NPR3: variants seen among roughly 807,000 people sequenced by gnomAD.
NPR3 encodes the protein atrial natriuretic peptide receptor 3.
In NPR3, 34 loss-of-function variants were observed where a neutral mutation model predicts 54.5. That is an observed-to-expected ratio of 0.62 (90% CI 0.47 to 0.83). The LOEUF is 0.83. Ranked by LOEUF, NPR3 falls within the 40% of genes least tolerant of loss-of-function variation. The probability of loss-of-function intolerance (pLI) is 0.00; values close to 1 mark genes in which losing one functional copy is unlikely to be tolerated. For synonymous variants in NPR3, 289 were observed against 297.1 expected, an observed-to-expected ratio of 0.97 and a Z score of 0.28; for missense variants, 674 against 720.8, an observed-to-expected ratio of 0.94 and a Z score of 0.74.
upstream of NPR3, among the ~76,000 whole-genome samples, chr5:32,706,196 G>A (rs902488609): frequency 3.9e-5 from 6 of 152,146 alleles, no homozygotes; most frequent in African/African-American, 4.8e-5. Flanking sequence ...CTCCCCCTTC[G>A]CCTTCTGCCA....
At chr5:32,754,308 T>A (rs1352749592) in intron 3 of NPR3, among the ~76,000 whole-genome samples, 1 of 152,134 alleles carries the variant, frequency 6.6e-6, no homozygotes, top group South Asian at 2.1e-4. Context: ...TAAACCACAC[T>A]GAGTTGCTCT....
intron 4 of NPR3, among the ~76,000 whole-genome samples, chr5:32,779,040 A>G (rs545144347): frequency 1.3e-5 from 2 of 152,356 alleles, no homozygotes; most frequent in South Asian, 4.1e-4. Context: ...ATCAAAGTGA[A>G]TGGTAGCTTC....
At chr5:32,711,227 G>T (rs986308061), upstream of NPR3, 1 of 15,318 alleles carries the variant, frequency 6.5e-5, no homozygotes, top group Admixed American at 7.3e-4. Context: ...CACCCCACCC[G>T]CTGGAAACAC....
At chr5:32,727,957 C>G (rs1739221677) in intron 2 of NPR3, among the ~76,000 whole-genome samples, 1 of 152,114 alleles carries the variant, frequency 6.6e-6, no homozygotes, top group African/African-American at 2.4e-5. Flanking sequence ...CCTAGTTTAT[C>G]AAGTCTGATT....
intron 2 of NPR3, among the ~76,000 whole-genome samples, chr5:32,737,733 TA>T (rs1258124160): frequency 2.0e-5 from 3 of 152,052 alleles, no homozygotes; most frequent in Non-Finnish European, 4.4e-5. Context: ...AAGAGAAAAA[TA>T]ATTATTCTTA....
At chr5:32,697,158 C>T (rs1326817358) in intron 1 of NPR3, among the ~76,000 whole-genome samples, 2 of 152,108 alleles carry the variant, frequency 1.3e-5, no homozygotes, top group Non-Finnish European at 2.9e-5. Flanking sequence ...TCCTTCTATA[C>T]TCAGATTTTT....
Position 32,777,226 on chromosome 5 carries a change from A to G in NPR3, c.1195+2383A>G, listed in dbSNP as rs983018949. 2.8e-4 allele frequency among the ~76,000 whole-genome samples: 42 copies of G among 152,288 alleles called. 1 individual carries two copies. Among genetic ancestry groups the G allele is most frequent in the African/African-American group, 9.4e-4 (39 of 41,560 alleles). On this transcript the variant is annotated intron_variant, in intron 4 of 7. Coordinates refer to ENST00000265074, the MANE Select transcript of NPR3 (RefSeq NM_001204375.2). ...GACATGATCTGCCTTGCCTGTTTAA[A>G]AGGGGTCCTTATGGCTGCTATGTGG... is the stretch of plus-strand genomic sequence containing the variant.
At chr5:32,761,649 A>G in intron 3 of NPR3, among the ~76,000 whole-genome samples, 1 of 151,410 alleles carries the variant, frequency 6.6e-6, no homozygotes, top group Middle Eastern at 3.4e-3. Context: ...TTTCAGTTCT[A>G]TAATTTCTAT....
chr5:32,748,598 C>A, intron 3 of NPR3, among the ~76,000 whole-genome samples: 1 of 152,172 alleles, frequency 6.6e-6, no homozygotes, highest in East Asian at 1.9e-4. Context: ...TTTCTTCTTT[C>A]TGGTGCTAGT....
rs184514444 is a variant in NPR3 at position 32,737,964 on chromosome 5, C to A, written c.893-900C>A. Among the ~76,000 whole-genome samples, 812 of 151,926 alleles carry A rather than the reference C, an allele frequency of 5.3e-3. 5 individuals are homozygous for A. The highest frequency in any genetic ancestry group is 6.4e-3 in the Non-Finnish European group (432 of 67,968). The stretch of plus-strand genomic sequence containing the variant: ...AATATATGTGCTTAATAAATGTTAG[C>A]AATTTTTATCTCATTACCACTAATG... On this transcript the variant is annotated intron_variant, in intron 2 of 7. Coordinates refer to ENST00000265074, the MANE Select transcript of NPR3 (RefSeq NM_001204375.2).
chr5:32,739,243 A>G (rs768165290), intron 3 of NPR3, among the ~76,000 whole-genome samples: 2 of 148,748 alleles, frequency 1.3e-5, no homozygotes, highest in Non-Finnish European at 3.0e-5. Flanking sequence ...ACCCACTATC[A>G]TCTCTACCCT....
At chr5:32,729,957 TCTC>T (rs1356801585) in intron 2 of NPR3, among the ~76,000 whole-genome samples, 1 of 152,152 alleles carries the variant, frequency 6.6e-6, no homozygotes, top group Non-Finnish European at 1.5e-5. Flanking sequence ...ATTTACCACT[TCTC>T]CTCCTAATGT....
At chr5:32,719,387 A>T (rs1051754252) in intron 1 of NPR3, among the ~76,000 whole-genome samples, 1 of 152,186 alleles carries the variant, frequency 6.6e-6, no homozygotes, top group Non-Finnish European at 1.5e-5. Flanking sequence ...AGGTTTTGTG[A>T]TTGAAAAATT....
intron 1 of NPR3, among the ~76,000 whole-genome samples, chr5:32,719,644 ACTT>A (rs920869510): frequency 1.4e-4 from 22 of 152,092 alleles, no homozygotes; most frequent in Non-Finnish European, 5.9e-5. Flanking sequence ...TTCTGGGAAT[ACTT>A]CTTAAGTTAT....
intron 7 of NPR3, among the ~76,000 whole-genome samples, chr5:32,785,664 G>A (rs1742578776): frequency 6.6e-6 from 1 of 152,202 alleles, no homozygotes; most frequent in African/African-American, 2.4e-5. Flanking sequence ...GAGCCCACAT[G>A]CTCATTTGCC....
chr5:32,707,990 TAGCTTTAA>T (rs1436193435), upstream of NPR3, among the ~76,000 whole-genome samples: 3 of 128,036 alleles, frequency 2.3e-5, no homozygotes, highest in Non-Finnish European at 4.9e-5. Flanking sequence ...CTTATTGTAG[TAGCTTTAA>T]AAAAAAAAAA....
intron 2 of NPR3, among the ~76,000 whole-genome samples, chr5:32,734,065 T>C (rs1420654082): frequency 6.6e-6 from 1 of 152,150 alleles, no homozygotes; most frequent in Non-Finnish European, 1.5e-5. Flanking sequence ...AAGAAAGAAA[T>C]ACTGCAGGTC....
At chr5:32,714,151 G>T (rs1256306641) in intron 1 of NPR3, among the ~76,000 whole-genome samples, 1 of 151,378 alleles carries the variant, frequency 6.6e-6, no homozygotes, top group Non-Finnish European at 1.5e-5. Context: ...AGAAGTCAGA[G>T]ACTTCCCAAG....
At chr5:32,696,123 G>A (rs1021627645) in intron 1 of NPR3, among the ~76,000 whole-genome samples, 23 of 152,094 alleles carry the variant, frequency 1.5e-4, no homozygotes, top group South Asian at 6.2e-4. Flanking sequence ...ATAGTTTCCC[G>A]TGTTTTCTTG....
Sources: allele counts gnomAD v4.1 joint callset (sites outside exome capture counted in the v4.1 genomes callset), GRCh38; gene constraint gnomAD v4.1.1; transcripts MANE v1.5; gene names NCBI Gene and HGNC (gene_info 2026-07-23, HGNC 2026-07-21).